GNB1: variants seen among roughly 807,000 people sequenced by gnomAD.
GNB1 encodes the protein guanine nucleotide-binding protein G(I)/G(S)/G(T) subunit beta-1.
A neutral mutation model predicts 42.9 loss-of-function variants in GNB1; 2 were observed. That is an observed-to-expected ratio of 0.05 (90% CI 0.02 to 0.15). GNB1 has a LOEUF of 0.15. Ranked by LOEUF, GNB1 falls within the 10% of genes least tolerant of loss-of-function variation. The probability of loss-of-function intolerance (pLI) is 1.00; values close to 1 mark genes in which losing one functional copy is unlikely to be tolerated. For synonymous variants in GNB1, 183 were observed against 174.7 expected, an observed-to-expected ratio of 1.05 and a Z score of -0.38; for missense variants, 193 against 462.2, an observed-to-expected ratio of 0.42 and a Z score of 5.34.
rs139734673 is a variant in GNB1 at position 1,887,257 on chromosome 1, C to T, written c.-96+3563G>A. The stretch of plus-strand genomic sequence containing the variant: ...AACAACGACAAAACTATAATAAATG[C>T]CAACACTGCACTTCTAAAATAATAC... On this transcript the variant is annotated intron_variant, in intron 1 of 11. Transcript: ENST00000378609. Among the ~76,000 whole-genome samples the T allele has an allele frequency of 7.9e-3, 1,207 of 152,260 alleles. 7 individuals carry two copies. The highest frequency in any genetic ancestry group is 0.02 in the Middle Eastern group (6 of 294).
chr1:1,863,494 C>T (rs993331643), intron 1 of GNB1, among the ~76,000 whole-genome samples: 1 of 152,176 alleles, frequency 6.6e-6, no homozygotes, highest in Non-Finnish European at 1.5e-5. Context: ...CATTGCAAAG[C>T]GTCAACAAAG....
chr1:1,828,830 C>A (rs781224698), intron 2 of GNB1, among the ~76,000 whole-genome samples: 1 of 152,002 alleles, frequency 6.6e-6, no homozygotes, highest in Non-Finnish European at 1.5e-5. Flanking sequence ...CTGCTTGAAT[C>A]CAGCAGTTTG....
At chr1:1,867,140 G>A (rs1367679105) in intron 1 of GNB1, among the ~76,000 whole-genome samples, 8 of 152,158 alleles carry the variant, frequency 5.3e-5, no homozygotes, top group South Asian at 4.1e-4. Context: ...GGTGGTAGGC[G>A]CCTATAATCC....
At chr1:1,815,107 G>A (rs1352795886) in intron 5 of GNB1, among the ~76,000 whole-genome samples, 2 of 145,994 alleles carry the variant, frequency 1.4e-5, no homozygotes, top group Admixed American at 1.4e-4. Flanking sequence ...GTGAGACTCC[G>A]TCTTTAAAAA....
At chr1:1,847,007 G>C (rs1045631570) in intron 1 of GNB1, among the ~76,000 whole-genome samples, 1 of 152,186 alleles carries the variant, frequency 6.6e-6, no homozygotes, top group African/African-American at 2.4e-5. Flanking sequence ...CAGATGCCAT[G>C]AAGAAAATCA....
chr1:1,864,394 G>A (rs1648808160), intron 1 of GNB1, among the ~76,000 whole-genome samples: 1 of 149,462 alleles, frequency 6.7e-6, no homozygotes, highest in Non-Finnish European at 1.5e-5. Context: ...AGAGATGGCT[G>A]TAGCGTGGCA....
intron 3 of GNB1, among the ~76,000 whole-genome samples, chr1:1,822,651 G>A (rs1017722059): frequency 1.3e-5 from 2 of 152,096 alleles, no homozygotes; most frequent in Admixed American, 6.6e-5. Context: ...AAGAGCATGT[G>A]GGGAATGTCA....
At chr1:1,831,591 G>A (rs1170219662) in intron 2 of GNB1, among the ~76,000 whole-genome samples, 3 of 151,856 alleles carry the variant, frequency 2.0e-5, no homozygotes, top group Admixed American at 2.0e-4. Flanking sequence ...TGGGATTACA[G>A]GCATGCACCA....
chr1:1,839,882 C>T (rs376985289), intron 1 of GNB1, among the ~76,000 whole-genome samples: 3 of 151,816 alleles, frequency 2.0e-5, no homozygotes, highest in Non-Finnish European at 2.9e-5. Context: ...AGTCTGGGCG[C>T]GGTGGCTCAC....
chr1:1,816,490 AT>A (rs888174774), intron 4 of GNB1, among the ~76,000 whole-genome samples: 8 of 151,730 alleles, frequency 5.3e-5, no homozygotes, highest in South Asian at 2.1e-4. Context: ...ATGTAGCCTA[AT>A]TTTTTTTTCT....
chr1:1,878,143 G>C (rs1649649338), intron 1 of GNB1, among the ~76,000 whole-genome samples: 1 of 152,212 alleles, frequency 6.6e-6, no homozygotes, highest in Non-Finnish European at 1.5e-5. Context: ...TATCAGAGCT[G>C]ATGTGAGGAC....
chr1:1,878,293 T>G (rs1649658909), intron 1 of GNB1, among the ~76,000 whole-genome samples: 1 of 152,328 alleles, frequency 6.6e-6, no homozygotes, highest in South Asian at 2.1e-4. Context: ...GCAGAGGGAC[T>G]GGAAGGCTAA....
At chr1:1,849,347 C>T (rs1439630782) in intron 1 of GNB1, among the ~76,000 whole-genome samples, 7 of 152,174 alleles carry the variant, frequency 4.6e-5, no homozygotes, top group Admixed American at 4.6e-4. Context: ...ACACTTCTGC[C>T]TGAAGAACTT....
At position 1,837,371 on chromosome 1, in the gene GNB1, T is replaced by C. The variant is rs191107408; in HGVS notation, c.-47+1819A>G. 8.4e-3 allele frequency among the ~76,000 whole-genome samples: 1,255 copies of C among 149,908 alleles called. 21 individuals carry two copies. Among genetic ancestry groups the C allele is most frequent in the African/African-American group, 0.03 (1,205 of 40,724 alleles). ...CTGGGTTCATGCCATTCTCCTGCCTTGGCCTCCTGAGTAGCTGGGACTTCA... is the reference window on the plus strand; with the variant it reads ...CTGGGTTCATGCCATTCTCCTGCCTCGGCCTCCTGAGTAGCTGGGACTTCA... On this transcript the variant is annotated intron_variant, in intron 2 of 11. Coordinates refer to ENST00000378609, the MANE Select transcript of GNB1 (RefSeq NM_002074.5).
At chr1:1,814,098 C>A (rs906059600) in intron 5 of GNB1, among the ~76,000 whole-genome samples, 3 of 152,158 alleles carry the variant, frequency 2.0e-5, no homozygotes, top group South Asian at 2.1e-4. Flanking sequence ...CCCCTTCCCA[C>A]TTTTATTCTT....
At chr1:1,794,338 A>G (rs976913524) in intron 7 of GNB1, 2 of 152,180 alleles carry the variant, frequency 1.3e-5, no homozygotes, top group Non-Finnish European at 2.9e-5. Context: ...TCAAGTTGTT[A>G]ATGACTTCTG....
At chr1:1,815,448 A>C (rs959081239) in intron 5 of GNB1, among the ~76,000 whole-genome samples, 1 of 152,242 alleles carries the variant, frequency 6.6e-6, no homozygotes, top group Non-Finnish European at 1.5e-5. Context: ...AGTAGGATGC[A>C]GTAGAACTGG....
At chr1:1,879,984 T>C (rs937795912) in intron 1 of GNB1, among the ~76,000 whole-genome samples, 1 of 151,994 alleles carries the variant, frequency 6.6e-6, no homozygotes, top group South Asian at 2.1e-4. Flanking sequence ...CAGGCTGGAG[T>C]GCCATGGTGC....
At chr1:1,814,827 AAG>A (rs1043539884) in intron 5 of GNB1, among the ~76,000 whole-genome samples, 5 of 150,320 alleles carry the variant, frequency 3.3e-5, no homozygotes, top group African/African-American at 9.8e-5. Context: ...AAAAGAAAAA[AAG>A]AGGCTGGGCG....
Sources: gnomAD v4.1 joint callset for allele counts (sites outside exome capture counted in the v4.1 genomes callset) on GRCh38, gnomAD v4.1.1 for gene constraint, MANE v1.5 for transcripts, NCBI Gene and HGNC (gene_info 2026-07-23, HGNC 2026-07-21) for gene names.